The following SDK1 variants were observed in gnomAD, a reference collection of about 807,000 sequenced individuals.
The protein encoded by SDK1 is protein sidekick-1.
SDK1 carries 157 observed loss-of-function variants against 245.5 expected under a neutral mutation model. That is an observed-to-expected ratio of 0.64 (90% confidence interval 0.56 to 0.73). SDK1 has a LOEUF of 0.73. Among genes scored for constraint, SDK1 ranks in the 30% least tolerant of loss-of-function variants. The pLI is 0.00. For synonymous variants in SDK1, 1,647 were observed against 1,278.5 expected, an observed-to-expected ratio of 1.29 and a Z score of -6.15; for missense variants, 3,583 against 3,002.3, an observed-to-expected ratio of 1.19 and a Z score of -4.52.
intron 35 of SDK1, among the ~76,000 whole-genome samples, chr7:4,202,744 C>T (rs1806470): frequency 0.3 from 45,741 of 152,138 alleles, 7,635 homozygotes; most frequent in African/African-American, 0.45. Context: ...CCAAATGCCA[C>T]GTAGAACCGT....
At chr7:3,555,360 G>A (rs927926584) in intron 1 of SDK1, among the ~76,000 whole-genome samples, 3 of 152,110 alleles carry the variant, frequency 2.0e-5, no homozygotes, top group Non-Finnish European at 4.4e-5. Flanking sequence ...AAATGTTGCT[G>A]GGAAAACTGG....
At chr7:3,677,106 C>G (rs1053594193) in intron 4 of SDK1, among the ~76,000 whole-genome samples, 2 of 152,070 alleles carry the variant, frequency 1.3e-5, no homozygotes. Context: ...TTCAAATATC[C>G]TTTTCTTAGT....
Position 4,073,140 on chromosome 7 carries a change from C to T in SDK1, c.3011-3858C>T, listed in dbSNP as rs190192603. Reference sequence around the variant, plus strand: ...CAGGTAGGATGCCAAGCGGGAGGTACCCCCGCTCCTGGCTCCGGGCGCCTC... The same window carrying T: ...CAGGTAGGATGCCAAGCGGGAGGTATCCCCGCTCCTGGCTCCGGGCGCCTC... On this transcript the variant is annotated intron_variant, in intron 20 of 44. Transcript: ENST00000404826. 3.4e-4 allele frequency among the ~76,000 whole-genome samples: 52 copies of T among 152,324 alleles called. 2 individuals are homozygous for T. Among genetic ancestry groups the T allele is most frequent in the Middle Eastern group, 6.8e-3 (2 of 294 alleles).
chr7:3,397,870 G>A (rs73296360), intron 1 of SDK1, among the ~76,000 whole-genome samples: 8,340 of 152,012 alleles, frequency 0.055, 643 homozygotes, highest in African/African-American at 0.17. Flanking sequence ...TCATAGTTAT[G>A]AATTTCTGGT....
intron 1 of SDK1, among the ~76,000 whole-genome samples, chr7:3,414,944 G>A (rs567993317): frequency 5.3e-5 from 8 of 152,070 alleles, no homozygotes; most frequent in Non-Finnish European, 1.0e-4. Context: ...TTCCGTGCAC[G>A]GATATACCAC....
At chr7:3,619,971 T>C (rs1252276662) in intron 2 of SDK1, among the ~76,000 whole-genome samples, 11 of 152,168 alleles carry the variant, frequency 7.2e-5, no homozygotes, top group Non-Finnish European at 1.5e-5. Flanking sequence ...AGGATGATAA[T>C]ATTACATGCT....
intron 14 of SDK1, among the ~76,000 whole-genome samples, chr7:3,992,833 G>C (rs997994182): frequency 2.6e-5 from 4 of 152,142 alleles, no homozygotes; most frequent in African/African-American, 9.7e-5. Flanking sequence ...AAATCTTATA[G>C]TAGTGCACTT....
intron 4 of SDK1, among the ~76,000 whole-genome samples, chr7:3,820,698 G>C (rs1427789460): frequency 6.6e-6 from 1 of 152,226 alleles, no homozygotes; most frequent in Non-Finnish European, 1.5e-5. Context: ...CTGCTGTTAA[G>C]TTGCTGTGTT....
intron 1 of SDK1, among the ~76,000 whole-genome samples, chr7:3,432,840 A>G (rs185050100): frequency 2.1e-3 from 317 of 152,306 alleles, no homozygotes; most frequent in African/African-American, 7.4e-3. Flanking sequence ...CTTCATCTGA[A>G]AGAGATTTCT....
At chr7:3,682,749 G>A (rs1022845150) in intron 4 of SDK1, among the ~76,000 whole-genome samples, 1 of 149,236 alleles carries the variant, frequency 6.7e-6, no homozygotes, top group Non-Finnish European at 1.5e-5. Flanking sequence ...ACAGAGTTTT[G>A]CTTTGTCACT....
At chr7:3,969,568 A>G (rs1237090767) in intron 11 of SDK1, 144 bp downstream of exon 11, 3 of 563,178 alleles carry the variant, frequency 5.3e-6, no homozygotes, top group Non-Finnish European at 8.2e-6. Flanking sequence ...AATTTATAGA[A>G]ATCTGTTGAG....
At chr7:3,850,858 TGGGGTAGGGGGAG>T (rs1780401828) in intron 5 of SDK1, among the ~76,000 whole-genome samples, 1 of 31,450 alleles carries the variant, frequency 3.2e-5, no homozygotes, top group African/African-American at 1.2e-4. Context: ...GGGCCTGTTG[TGGGGTAGGGGGAG>T]GGGGGAGGGA....
chr7:4,033,645 G>A (rs1787998869), intron 17 of SDK1, among the ~76,000 whole-genome samples: 2 of 151,902 alleles, frequency 1.3e-5, no homozygotes, highest in South Asian at 4.2e-4. Context: ...AAGAAAAATG[G>A]GCAAGCTCTA....
chr7:3,539,564 A>G (rs1778994516), intron 1 of SDK1, among the ~76,000 whole-genome samples: 1 of 152,160 alleles, frequency 6.6e-6, no homozygotes, highest in South Asian at 2.1e-4. Context: ...GTGGAGATGG[A>G]TGGACTTGCC....
chr7:4,231,361 C>T lies in SDK1; in HGVS notation c.5828-1894C>T, dbSNP rs191830496. Among the ~76,000 whole-genome samples the T allele has an allele frequency of 2.1e-3, 322 of 150,688 alleles. 2 individuals carry two copies. Among genetic ancestry groups the T allele is most frequent in the Non-Finnish European group, 2.8e-3 (191 of 67,770 alleles). On this transcript the variant is annotated intron_variant, in intron 40 of 44. Coordinates refer to ENST00000404826, the MANE Select transcript of SDK1 (RefSeq NM_152744.4). The stretch of plus-strand genomic sequence containing the variant: ...GGCAGATGGCTTGAGCTCGGCAGTT[C>T]GAGCCCAGCCTGGGCAACACAGGGA...
At chr7:3,377,237 C>T (rs978821969) in intron 1 of SDK1, among the ~76,000 whole-genome samples, 1 of 152,108 alleles carries the variant, frequency 6.6e-6, no homozygotes, top group African/African-American at 2.4e-5. Flanking sequence ...GGCTGTGTGT[C>T]TTCATCTTGC....
chr7:4,079,846 C>T (rs2128178649), intron 22 of SDK1, among the ~76,000 whole-genome samples: 1 of 152,246 alleles, frequency 6.6e-6, no homozygotes, highest in Non-Finnish European at 1.5e-5. Context: ...AAAATAGGTA[C>T]CCAAAATTGG....
rs181726657 is a variant in SDK1, at chr7:3,861,788, C to T, written c.847+40205C>T. Among the ~76,000 whole-genome samples, 7 of 152,202 alleles carry T rather than the reference C, an allele frequency of 4.6e-5. No individual in the cohort carries two copies. The East Asian group carries it at 1.2e-3, about 25-fold the overall frequency. ...CTTGTGGACTAATTTTACCCTCTCC[C>T]GTCAATGTGAACCTAAGTTGAAAAA... On this transcript the variant is annotated intron_variant, in intron 5 of 44. Transcript: ENST00000404826.
intron 17 of SDK1, among the ~76,000 whole-genome samples, chr7:4,043,037 TG>T (rs1349260576): frequency 6.6e-6 from 1 of 152,192 alleles, no homozygotes; most frequent in Non-Finnish European, 1.5e-5. Context: ...GTCCTGTGAC[TG>T]GGGAAGGAGA....
Sources: gnomAD v4.1 joint callset for allele counts (sites outside exome capture counted in the v4.1 genomes callset) on GRCh38, gnomAD v4.1.1 for gene constraint, MANE v1.5 for transcripts, NCBI Gene and HGNC (gene_info 2026-07-23, HGNC 2026-07-21) for gene names.